Variants in PRLR observed in about 807,000 individuals in gnomAD.
PRLR encodes the protein hPRL receptor.
In PRLR, 13 loss-of-function variants were observed where a neutral mutation model predicts 40.2. The observed-to-expected ratio is 0.32, with a 90% confidence interval of 0.21 to 0.51. PRLR has a LOEUF of 0.51. PRLR is among the 20% of genes least tolerant of loss of function. The pLI is 0.97. For missense variants in PRLR, 656 were observed against 747.3 expected (o/e 0.88, Z 1.42); for synonymous variants, 269 against 278.7 (o/e 0.97, Z 0.35).
At chr5:35,181,875 A>T (rs1354706374) in intron 1 of PRLR, among the ~76,000 whole-genome samples, 1 of 152,196 alleles carries the variant, frequency 6.6e-6, no homozygotes, top group Non-Finnish European at 1.5e-5. Context: ...TGATTCCAGT[A>T]GTCCTGATAG....
At chr5:35,126,990 TAAG>T (rs1406684441) in intron 1 of PRLR, among the ~76,000 whole-genome samples, 4 of 152,208 alleles carry the variant, frequency 2.6e-5, no homozygotes, top group Non-Finnish European at 5.9e-5. Context: ...ACTCCTCATG[TAAG>T]AAGAATGGCT....
At chr5:35,096,087 C>T (rs377101470) in intron 2 of PRLR, among the ~76,000 whole-genome samples, 6 of 152,196 alleles carry the variant, frequency 3.9e-5, no homozygotes, top group East Asian at 1.9e-4. Context: ...TTTGTCTAAA[C>T]GAGAGCTGAC....
intron 1 of PRLR, among the ~76,000 whole-genome samples, chr5:35,134,991 AT>A (rs546447318): frequency 1.3e-5 from 2 of 152,156 alleles, no homozygotes; most frequent in South Asian, 4.1e-4. Context: ...ACTGAGGAAC[AT>A]GTTTTTTTTC....
rs1769300953 is a variant in PRLR, at chr5:35,065,469, C to T, written c.1489G>A (p.Glu497Lys). 1.2e-6 allele frequency: 2 copies of T among 1,614,028 alleles called. No homozygotes were observed. The highest frequency in any genetic ancestry group is 1.7e-5 in the Admixed American group (1 of 59,996). Residue 497 changes from glutamate to lysine, a missense_variant, in exon 10 of 10, where the codon GAG (glutamate) becomes AAG (lysine). Around this residue, in one of 3 missense-constraint regions of PRLR, gnomAD observed 469 missense variants for 491.5 expected, o/e 0.95. Coordinates refer to ENST00000618457, the MANE Select transcript of PRLR (RefSeq NM_000949.7). ...TTAGCGGAGCCAAAGGGGGTTTTCT[C>T]CTGGGGCAGCAGCCAGGGCGTATCC... ...DQDTPWLLPQ[E>K]KTPFGSAKPL...
chr5:35,052,250 T>C (rs1475000714), downstream of PRLR, among the ~76,000 whole-genome samples: 1 of 152,106 alleles, frequency 6.6e-6, no homozygotes, highest in Non-Finnish European at 1.5e-5. Context: ...ATAAGTGAGG[T>C]TCATCTCAAG....
chr5:35,196,590 T>C (rs1775743364), intron 1 of PRLR, among the ~76,000 whole-genome samples: 1 of 152,204 alleles, frequency 6.6e-6, no homozygotes, highest in Non-Finnish European at 1.5e-5. Context: ...AGTTAGCTAG[T>C]AGGAACTGCC....
At chr5:35,122,757 G>A (rs1773333570) in intron 1 of PRLR, among the ~76,000 whole-genome samples, 2 of 152,182 alleles carry the variant, frequency 1.3e-5, no homozygotes, top group African/African-American at 4.8e-5. Context: ...AAAGCACTTG[G>A]GAATCACTCT....
chr5:35,118,321 T>TA (rs35030984), intron 1 of PRLR, among the ~76,000 whole-genome samples, 199 bp from the exon 2 acceptor site: 4,839 of 139,508 alleles, frequency 0.035, 242 homozygotes, highest in African/African-American at 0.11. Context: ...TATAAAATAG[T>TA]AAAAAAAAAA....
chr5:35,169,023 C>G (rs1774925815), intron 1 of PRLR, among the ~76,000 whole-genome samples: 1 of 152,144 alleles, frequency 6.6e-6, no homozygotes, highest in South Asian at 2.1e-4. Flanking sequence ...TTCTGAAGTG[C>G]TTAACTGAGA....
At chr5:35,134,106 C>T (rs1040140770) in intron 1 of PRLR, among the ~76,000 whole-genome samples, 6 of 152,014 alleles carry the variant, frequency 3.9e-5, no homozygotes, top group African/African-American at 1.4e-4. Flanking sequence ...GTGATGGGTG[C>T]ACCAAAATCT....
intron 1 of PRLR, among the ~76,000 whole-genome samples, chr5:35,193,163 C>T (rs114538630): frequency 6.0e-4 from 91 of 152,254 alleles, no homozygotes; most frequent in Middle Eastern, 3.4e-3. Flanking sequence ...CCATCTCTAC[C>T]ATCTGTGTCT....
chr5:35,159,502 G>A (rs1053998757), intron 1 of PRLR, among the ~76,000 whole-genome samples: 3 of 152,172 alleles, frequency 2.0e-5, no homozygotes, highest in Middle Eastern at 3.4e-3. Flanking sequence ...CAGTGTCAGC[G>A]GGACAGAAAG....
In PRLR at chr5:35,221,693, T is replaced by TG. The variant is rs142982186; in HGVS notation, c.-106+8574_-106+8575insC. Among the ~76,000 whole-genome samples, 999 of 152,298 alleles carry TG rather than the reference T, an allele frequency of 6.6e-3. 10 individuals are homozygous for TG. Among genetic ancestry groups the TG allele is most frequent in the African/African-American group, 0.023 (938 of 41,562 alleles). On this transcript the variant is annotated intron_variant, in intron 1 of 9. Transcript: ENST00000618457. ...CCAGAATATTGATTCAGTGAGTCTA[T>TG]AGTTGTTTCTAAAGCTCCCTAGGTG...
At chr5:35,118,014 G>T (rs1773125723) in intron 2 of PRLR, 47 bp downstream of exon 2, 10 of 922,082 alleles carry the variant, frequency 1.1e-5, no homozygotes, top group Non-Finnish European at 1.3e-5. Flanking sequence ...GGACAGTGGG[G>T]CAGATGGGTG....
chr5:35,066,924 T>C (rs1275169568), intron 9 of PRLR, among the ~76,000 whole-genome samples: 2 of 152,016 alleles, frequency 1.3e-5, no homozygotes, highest in African/African-American at 2.4e-5. Context: ...CCACCACGCC[T>C]GGCTAATTTT....
At chr5:35,067,840 G>C (rs1395651983) in intron 9 of PRLR, among the ~76,000 whole-genome samples, 1 of 152,142 alleles carries the variant, frequency 6.6e-6, no homozygotes, top group African/African-American at 2.4e-5. Context: ...TCAAGTAGAA[G>C]CTTTTACCAA....
intron 2 of PRLR, among the ~76,000 whole-genome samples, chr5:35,099,284 C>A (rs1579641846): frequency 6.6e-6 from 1 of 152,084 alleles, no homozygotes; most frequent in African/African-American, 2.4e-5. Flanking sequence ...TGGTGGTGGT[C>A]CTATAAGATG....
At chr5:35,079,519 C>G (rs1770355373) in intron 5 of PRLR, among the ~76,000 whole-genome samples, 1 of 152,116 alleles carries the variant, frequency 6.6e-6, no homozygotes, top group South Asian at 2.1e-4. Context: ...AGGACCTCTT[C>G]AAGGAGAACT....
chr5:35,189,250 C>T (rs373391675), intron 1 of PRLR, among the ~76,000 whole-genome samples: 4 of 152,196 alleles, frequency 2.6e-5, no homozygotes, highest in Non-Finnish European at 4.4e-5. Context: ...CCCTGCTAAC[C>T]GACACTATGC....
Sources: gnomAD v4.1 joint callset for allele counts (sites outside exome capture counted in the v4.1 genomes callset) on GRCh38, gnomAD v4.1.1 for gene constraint, gnomAD v4.1.1 regional missense constraint, MANE v1.5 for transcripts, NCBI Gene and HGNC (gene_info 2026-07-23, HGNC 2026-07-21) for gene names.